CDH18: variants seen among roughly 807,000 people sequenced by gnomAD.
CDH18 encodes cadherin 18, also known as cadherin-18.
CDH18 carries 31 observed loss-of-function variants against 67.9 expected under a neutral mutation model. That is an observed-to-expected ratio of 0.46 (90% confidence interval 0.34 to 0.62). The LOEUF (loss-of-function observed/expected upper bound fraction) is 0.62, where lower values mean the gene tolerates loss of function less well. Among genes scored for constraint, CDH18 ranks in the 20% least tolerant of loss-of-function variants. The pLI, the probability that CDH18 is intolerant of heterozygous loss-of-function variation, is 0.01. For missense variants in CDH18, 890 were observed against 975.5 expected (o/e 0.91, Z 1.17); for synonymous variants, 362 against 347.2 (o/e 1.04, Z -0.48).
At position 20,479,230 on chromosome 5, in the gene CDH18, T is replaced by C. The variant is rs564761083; in HGVS notation, c.-580+96232A>G. ...TAACATTGACAAACATCCATGTGCATCAAGAACATACAGGAAAATATGTCC... is the reference window on the plus strand; with the variant it reads ...TAACATTGACAAACATCCATGTGCACCAAGAACATACAGGAAAATATGTCC... On this transcript the variant is annotated intron_variant, in intron 1 of 14. Coordinates refer to the CDH18 transcript ENST00000507958. Among the ~76,000 whole-genome samples, 3 of 152,184 alleles carry C rather than the reference T, an allele frequency of 2.0e-5. No individual in the cohort carries two copies. The South Asian group carries it at 6.2e-4, about 32-fold the overall frequency.
In CDH18 at chr5:20,314,821, CAAT is replaced by C. The variant is rs1360624814; in HGVS notation, c.-579-59319_-579-59317del. Among the ~76,000 whole-genome samples the C allele has an allele frequency of 2.0e-5, 3 of 151,910 alleles. No homozygotes were observed. In the East Asian group the frequency reaches 5.8e-4, roughly 29 times the overall value. The stretch of plus-strand genomic sequence containing the variant: ...CTAATACATAAATACACAAAACAGT[CAAT>C]AATCATCTAAAGATTTCTAGATGAA... On this transcript the variant is annotated intron_variant, in intron 1 of 14. Transcript: ENST00000507958.
At chr5:19,830,653 G>T (rs1780915519) in intron 3 of CDH18, among the ~76,000 whole-genome samples, 1 of 151,878 alleles carries the variant, frequency 6.6e-6, no homozygotes, top group Admixed American at 6.6e-5. Flanking sequence ...TTAAAGGAGA[G>T]GTACCATTTC....
chr5:19,814,843 T>C (rs1016302967), intron 3 of CDH18, among the ~76,000 whole-genome samples: 1 of 102,784 alleles, frequency 9.7e-6, no homozygotes, highest in Non-Finnish European at 2.1e-5. Flanking sequence ...TTTAGCAAAA[T>C]TGTTACACAC....
rs200554693 is a variant in CDH18, at chr5:20,546,748, T to C, written c.-580+28714A>G. 1.5e-4 allele frequency among the ~76,000 whole-genome samples: 21 copies of C among 141,490 alleles called. No individual in the cohort carries two copies. The South Asian group carries it at 1.6e-3, about 11-fold the overall frequency. 92.8% of individuals were successfully genotyped at this position (141,490 alleles called of 152,430 possible). On this transcript the variant is annotated intron_variant, in intron 1 of 14. Coordinates refer to the CDH18 transcript ENST00000507958. ...AGTCAAACCATATCACATACATACATAGACACACACACACACACACATATG... is the reference window on the plus strand; with the variant it reads ...AGTCAAACCATATCACATACATACACAGACACACACACACACACACATATG...
chr5:20,482,860 A>T (rs1413929789), intron 1 of CDH18, among the ~76,000 whole-genome samples: 1 of 152,046 alleles, frequency 6.6e-6, no homozygotes. Context: ...GCATGATCTC[A>T]AAACTTGACA....
At chr5:20,498,771 C>T (rs192038174) in intron 1 of CDH18, among the ~76,000 whole-genome samples, 11 of 151,948 alleles carry the variant, frequency 7.2e-5, no homozygotes, top group South Asian at 6.2e-4. Context: ...TGTAATAATA[C>T]GTGTCTTATT....
chr5:19,999,094 G>A (rs1561700271), intron 2 of CDH18, among the ~76,000 whole-genome samples: 1 of 152,032 alleles, frequency 6.6e-6, no homozygotes, highest in African/African-American at 2.4e-5. Flanking sequence ...AGATAATAAG[G>A]TGCTAAGGAA....
intron 7 of CDH18, among the ~76,000 whole-genome samples, chr5:19,587,864 T>C (rs1436214396): frequency 1.3e-5 from 2 of 152,116 alleles, no homozygotes; most frequent in Non-Finnish European, 2.9e-5. Flanking sequence ...ACTGAATCTA[T>C]TGATTGCTTT....
At chr5:19,766,924 C>A (rs1443006780) in intron 3 of CDH18, among the ~76,000 whole-genome samples, 2 of 152,086 alleles carry the variant, frequency 1.3e-5, no homozygotes, top group Non-Finnish European at 2.9e-5. Flanking sequence ...AAGGTTTCAT[C>A]TTTCCAACTT....
intron 1 of CDH18, among the ~76,000 whole-genome samples, chr5:20,444,255 T>C (rs971906610): frequency 6.6e-6 from 1 of 152,266 alleles, no homozygotes; most frequent in African/African-American, 2.4e-5. Context: ...AAATTTCATA[T>C]GTATCCTCAG....
chr5:19,879,866 A>G (rs565532531), intron 2 of CDH18, among the ~76,000 whole-genome samples: 99 of 152,076 alleles, frequency 6.5e-4, no homozygotes, highest in African/African-American at 2.3e-3. Context: ...ATTTGATGTC[A>G]TGTCTATATA....
intron 12 of CDH18, among the ~76,000 whole-genome samples, chr5:19,481,555 C>A (rs1561156550): frequency 6.6e-6 from 1 of 152,110 alleles, no homozygotes. Flanking sequence ...TCATCTTTTG[C>A]AAATTGAAGA....
intron 9 of CDH18, among the ~76,000 whole-genome samples, chr5:19,537,185 C>A (rs1476347929): frequency 6.6e-6 from 1 of 151,570 alleles, no homozygotes; most frequent in Non-Finnish European, 1.5e-5. Flanking sequence ...TGACTAGAAC[C>A]AAAGTAATTC....
chr5:20,427,812 A>T (rs1051867391), intron 1 of CDH18, among the ~76,000 whole-genome samples: 1 of 151,256 alleles, frequency 6.6e-6, no homozygotes, highest in Admixed American at 6.6e-5. Context: ...TCAGAAAAAA[A>T]GTCTGTATGA....
At chr5:20,278,906 AAG>A (rs1286368832) in intron 1 of CDH18, among the ~76,000 whole-genome samples, 5 of 152,154 alleles carry the variant, frequency 3.3e-5, no homozygotes, top group Non-Finnish European at 7.4e-5. Flanking sequence ...AATAACATGT[AAG>A]AAATTAAAAT....
Position 19,566,656 on chromosome 5 carries a change from T to C in CDH18, c.1253+4923A>G, listed in dbSNP as rs4379202. Among the ~76,000 whole-genome samples the C allele has an allele frequency of 9.8e-3, 1,483 of 151,996 alleles. 25 individuals are homozygous for C. The highest frequency in any genetic ancestry group is 0.034 in the African/African-American group (1,412 of 41,402). On this transcript the variant is annotated intron_variant, in intron 8 of 12. Transcript: ENST00000382275. ...GGAAACCGCCCCCACGATTCAATTATCTCCCACCAGGTCCCTATCACAACA... is the reference window on the plus strand; with the variant it reads ...GGAAACCGCCCCCACGATTCAATTACCTCCCACCAGGTCCCTATCACAACA...
At chr5:19,823,600 A>G (rs1230707170) in intron 3 of CDH18, among the ~76,000 whole-genome samples, 3 of 152,186 alleles carry the variant, frequency 2.0e-5, no homozygotes, top group African/African-American at 7.2e-5. Flanking sequence ...TTCTAGACCT[A>G]AGAGAAGACT....
intron 6 of CDH18, among the ~76,000 whole-genome samples, chr5:19,592,978 C>A (rs1283464745): frequency 2.6e-5 from 4 of 152,082 alleles, no homozygotes; most frequent in African/African-American, 9.6e-5. Flanking sequence ...CAGTAGTCAT[C>A]CATGTTGTTG....
intron 2 of CDH18, among the ~76,000 whole-genome samples, chr5:20,154,238 T>A (rs1043318736): frequency 1.3e-5 from 2 of 152,198 alleles, no homozygotes; most frequent in Non-Finnish European, 2.9e-5. Context: ...TTAGTTAATA[T>A]AGATGACTGT....
Sources: allele counts gnomAD v4.1 joint callset (sites outside exome capture counted in the v4.1 genomes callset), GRCh38; gene constraint gnomAD v4.1.1; transcripts MANE v1.5; gene names NCBI Gene and HGNC (gene_info 2026-07-23, HGNC 2026-07-21).